LOC128092253: variants seen among roughly 807,000 people sequenced by gnomAD.
chr6:133,962,278 G>A, the LOC128092253 span, among the ~76,000 whole-genome samples: 34 of 152,152 alleles, frequency 2.2e-4, no homozygotes, highest in Non-Finnish European at 5.9e-5. Context: ...GAGACAATTA[G>A]GAAGATAATC....
the LOC128092253 span, among the ~76,000 whole-genome samples, chr6:133,971,246 C>T: frequency 2.6e-5 from 4 of 152,006 alleles, no homozygotes; most frequent in Non-Finnish European, 4.4e-5. Context: ...TCCAGGTTCA[C>T]TAACGTCACA....
the LOC128092253 span, among the ~76,000 whole-genome samples, chr6:133,959,180 C>A: frequency 1.3e-5 from 2 of 152,118 alleles, no homozygotes; most frequent in Non-Finnish European, 2.9e-5. Context: ...GTTGGGATTA[C>A]AGGCATGCGC....
At chr6:133,978,310 G>A in the LOC128092253 span, among the ~76,000 whole-genome samples, 3 of 152,146 alleles carry the variant, frequency 2.0e-5, no homozygotes, top group Non-Finnish European at 4.4e-5. Flanking sequence ...TATATGCTAA[G>A]TACTTTTCAT....
the LOC128092253 span, among the ~76,000 whole-genome samples, chr6:133,971,520 C>G: frequency 2.0e-5 from 3 of 152,114 alleles, no homozygotes; most frequent in African/African-American, 7.2e-5. Context: ...TGTGAGTTTA[C>G]TATCCTACCA....
chr6:133,971,250 C>A, the LOC128092253 span, among the ~76,000 whole-genome samples: 1 of 152,048 alleles, frequency 6.6e-6, no homozygotes, highest in African/African-American at 2.4e-5. Flanking sequence ...GGTTCACTAA[C>A]GTCACAAATG....
the LOC128092253 span, among the ~76,000 whole-genome samples, chr6:133,954,858 AT>A: frequency 6.6e-6 from 1 of 152,054 alleles, no homozygotes; most frequent in Non-Finnish European, 1.5e-5. Context: ...TGTGCCCTTG[AT>A]TGGGCTGGCT....
the LOC128092253 span, among the ~76,000 whole-genome samples, chr6:133,975,484 A>G: frequency 6.6e-6 from 1 of 152,204 alleles, no homozygotes; most frequent in Non-Finnish European, 1.5e-5. Flanking sequence ...ATCTTCAGGT[A>G]ACGTCTTCTA....
chr6:133,955,701 T>A, the LOC128092253 span, among the ~76,000 whole-genome samples: 7 of 152,244 alleles, frequency 4.6e-5, no homozygotes, highest in Non-Finnish European at 5.9e-5. Context: ...ATGGTAATAC[T>A]GTAATTGTAG....
the LOC128092253 span, among the ~76,000 whole-genome samples, chr6:133,970,858 A>C: frequency 6.6e-6 from 1 of 152,118 alleles, no homozygotes; most frequent in African/African-American, 2.4e-5. Flanking sequence ...CATATTATAC[A>C]TATTTATGAG....
At chr6:133,979,720 C>T in the LOC128092253 span, among the ~76,000 whole-genome samples, 2 of 152,242 alleles carry the variant, frequency 1.3e-5, no homozygotes, top group African/African-American at 2.4e-5. Flanking sequence ...GATCTCGGCT[C>T]ACTGCAACCT....
chr6:133,961,844 G>A, the LOC128092253 span, among the ~76,000 whole-genome samples: 3 of 151,958 alleles, frequency 2.0e-5, no homozygotes, highest in Admixed American at 1.3e-4. Flanking sequence ...TCATTATCTC[G>A]TTTCCTTTAT....
At chr6:133,979,027 A>G in the LOC128092253 span, among the ~76,000 whole-genome samples, 1 of 152,220 alleles carries the variant, frequency 6.6e-6, no homozygotes, top group Non-Finnish European at 1.5e-5. Context: ...TCACGTACTT[A>G]GTAAAAACTG....
chr6:133,971,280 A>G, the LOC128092253 span, among the ~76,000 whole-genome samples: 1 of 152,152 alleles, frequency 6.6e-6, no homozygotes, highest in South Asian at 2.1e-4. Context: ...CTTACAGCTG[A>G]ATAATATTCA....
At chr6:133,976,422 G>A in the LOC128092253 span, among the ~76,000 whole-genome samples, 1 of 152,258 alleles carries the variant, frequency 6.6e-6, no homozygotes, top group East Asian at 1.9e-4. Flanking sequence ...AGGGGAAATA[G>A]GTGATTCTGG....
chr6:133,953,792 C>T, the LOC128092253 span, among the ~76,000 whole-genome samples: 1 of 152,126 alleles, frequency 6.6e-6, no homozygotes, highest in Non-Finnish European at 1.5e-5. Flanking sequence ...CCTCATCTGT[C>T]TCGGAGCCAT....
chr6:133,966,660 T>C, the LOC128092253 span, among the ~76,000 whole-genome samples: 2 of 152,216 alleles, frequency 1.3e-5, no homozygotes, highest in African/African-American at 2.4e-5. Context: ...AAACCTGCCC[T>C]TTCTCCAGTG....
the LOC128092253 span, among the ~76,000 whole-genome samples, chr6:133,963,725 T>G: frequency 6.6e-6 from 1 of 151,978 alleles, no homozygotes; most frequent in Non-Finnish European, 1.5e-5. Flanking sequence ...CCTGTCCTTG[T>G]CTTTTTCTTG....
At chr6:133,964,721 T>G in the LOC128092253 span, among the ~76,000 whole-genome samples, 6 of 152,200 alleles carry the variant, frequency 3.9e-5, no homozygotes, top group Non-Finnish European at 5.9e-5. Flanking sequence ...GTGCTGGGAT[T>G]ACAGGTGTGA....
chr6:133,970,853 TA>T, the LOC128092253 span, among the ~76,000 whole-genome samples: 2 of 152,170 alleles, frequency 1.3e-5, no homozygotes, highest in Non-Finnish European at 2.9e-5. Context: ...TTGTACATAT[TA>T]TACATATTTA....
Sources: gnomAD v4.1 joint callset for allele counts (sites outside exome capture counted in the v4.1 genomes callset) on GRCh38, gnomAD v4.1.1 for gene constraint, MANE v1.5 for transcripts.